BST1: variants seen among roughly 807,000 people sequenced by gnomAD.
BST1 encodes the protein ADP-ribosyl cyclase/cyclic ADP-ribose hydrolase 2.
BST1 carries 49 observed loss-of-function variants against 40.6 expected under a neutral mutation model. The ratio of observed to expected loss-of-function variants is 1.21; its 90% CI spans 0.96 to 1.53. The LOEUF (loss-of-function observed/expected upper bound fraction) is 1.53. Ranked by LOEUF, BST1 falls within the 40% of genes most tolerant of loss-of-function variation. The pLI is 0.00. For synonymous variants in BST1, 157 were observed against 159.3 expected, an observed-to-expected ratio of 0.99 and a Z score of 0.11; for missense variants, 423 against 395.9, an observed-to-expected ratio of 1.07 and a Z score of -0.58.
At chr4:15,741,373 T>C (rs1721737661), downstream of BST1, among the ~76,000 whole-genome samples, 1 of 151,996 alleles carries the variant, frequency 6.6e-6, no homozygotes, top group Admixed American at 6.6e-5. Context: ...TGCTTCCTGA[T>C]AAGGGAGGAA....
At chr4:15,744,491 C>T in the BST1 span, among the ~76,000 whole-genome samples, 2 of 152,178 alleles carry the variant, frequency 1.3e-5, no homozygotes, top group Non-Finnish European at 2.9e-5. Context: ...AAACCGCCCC[C>T]ATAATCCAAT....
the BST1 span, among the ~76,000 whole-genome samples, chr4:15,773,617 A>G: frequency 2.0e-5 from 3 of 152,122 alleles, no homozygotes; most frequent in African/African-American, 7.2e-5. Flanking sequence ...CCTGGGCAAC[A>G]TGGCGAAACC....
the BST1 span, among the ~76,000 whole-genome samples, chr4:15,771,364 A>G: frequency 6.6e-6 from 1 of 152,210 alleles, no homozygotes; most frequent in Admixed American, 6.5e-5. Flanking sequence ...TTCCTTGTGC[A>G]TTATCTTCTT....
intron 4 of BST1, among the ~76,000 whole-genome samples, chr4:15,713,661 C>T (rs1019850920): frequency 2.6e-5 from 4 of 152,094 alleles, no homozygotes; most frequent in African/African-American, 9.7e-5. Context: ...CTTTCAACCA[C>T]GACGTTATAC....
the BST1 span, chr4:15,743,411 A>C: frequency 3.6e-6 from 1 of 279,700 alleles, no homozygotes; most frequent in Non-Finnish European, 7.1e-6. Context: ...AAGATGAAGA[A>C]TGTTTATTCT....
intron 8 of BST1, among the ~76,000 whole-genome samples, chr4:15,726,647 T>C (rs1721129584): frequency 6.6e-6 from 1 of 152,204 alleles, no homozygotes; most frequent in African/African-American, 2.4e-5. Context: ...GTGTTAGAAT[T>C]ACTTAGGTTT....
At chr4:15,720,852 C>T (rs964688789) in intron 7 of BST1, among the ~76,000 whole-genome samples, 8 of 152,136 alleles carry the variant, frequency 5.3e-5, no homozygotes, top group Non-Finnish European at 1.2e-4. Context: ...CAAACAACAA[C>T]AACAAAAAGC....
At chr4:15,763,452 G>A in the BST1 span, among the ~76,000 whole-genome samples, 1 of 151,332 alleles carries the variant, frequency 6.6e-6, no homozygotes, top group Non-Finnish European at 1.5e-5. Context: ...TTCTTTGTAC[G>A]CTTCTTATTT....
At chr4:15,725,890 AT>A (rs993577557) in intron 8 of BST1, among the ~76,000 whole-genome samples, 1 of 135,050 alleles carries the variant, frequency 7.4e-6, no homozygotes, top group African/African-American at 2.8e-5. Flanking sequence ...ATGTGACTGC[AT>A]TTTTTTTCTT....
At position 15,707,580 on chromosome 4, in the gene BST1, C is replaced by A. The variant is rs147958205; in HGVS notation, c.385C>A (p.Leu129Met). Residue 129 changes from leucine to methionine, a missense_variant, in exon 3 of 9, where the codon CTG becomes ATG. By Grantham distance (15) the Leu-to-Met change is conservative. Transcript: ENST00000265016. ...FADNTRRFMPLSDVLYGRVAD... is the reference protein window; with the variant it reads ...FADNTRRFMPMSDVLYGRVAD... Reference sequence around the variant, plus strand: ...AGACAACACCCGTCGTTTTATGCCCCTGAGCGATGTTCTGTATGGCAGGGT... The same window carrying A: ...AGACAACACCCGTCGTTTTATGCCCATGAGCGATGTTCTGTATGGCAGGGT... 6.2e-7 allele frequency: 1 copy of A among 1,614,064 alleles called. No homozygotes were observed.
intron 7 of BST1, 49 bp downstream of exon 7, chr4:15,719,042 T>C: frequency 1.9e-6 from 3 of 1,550,010 alleles, no homozygotes. Context: ...GTGTATGATT[T>C]TGGAGGAGGT....
At chr4:15,734,109 T>C (rs1187837347), downstream of BST1, among the ~76,000 whole-genome samples, 1 of 152,166 alleles carries the variant, frequency 6.6e-6, no homozygotes, top group Non-Finnish European at 1.5e-5. Flanking sequence ...AACTGTATGA[T>C]TCTATTTATA....
chr4:15,707,400 G>C, intron 2 of BST1, 111 bp from the exon 3 acceptor site: 1 of 1,222,754 alleles, frequency 8.2e-7, no homozygotes, highest in Non-Finnish European at 1.2e-6. Context: ...TTGTGCAGCA[G>C]GTCAGAGTTG....
chr4:15,773,866 A>C, the BST1 span, among the ~76,000 whole-genome samples: 1 of 152,034 alleles, frequency 6.6e-6, no homozygotes, highest in Non-Finnish European at 1.5e-5. Flanking sequence ...AAAACCAAAA[A>C]CAAAACCCAT....
chr4:15,765,798 T>C, the BST1 span, among the ~76,000 whole-genome samples: 2 of 151,972 alleles, frequency 1.3e-5, no homozygotes, highest in Non-Finnish European at 2.9e-5. Context: ...AATTGCAACC[T>C]TCCCCCAAGT....
At chr4:15,754,838 A>T in the BST1 span, among the ~76,000 whole-genome samples, 1 of 152,196 alleles carries the variant, frequency 6.6e-6, no homozygotes. Context: ...CACACCTCTA[A>T]TTCGGATGAC....
At chr4:15,737,883 A>G in exon 7 of BST1, 1 of 1,168,682 alleles carries the variant, frequency 8.6e-7, no homozygotes, top group Non-Finnish European at 1.1e-6. Context: ...CGAAATCTCC[A>G]GAGGCTCTGG....
intron 8 of BST1, chr4:15,730,993 C>A: frequency 1.8e-6 from 1 of 544,868 alleles, no homozygotes; most frequent in Non-Finnish European, 3.0e-6. Flanking sequence ...GCCTATGGTG[C>A]TCTCGATATA....
intron 8 of BST1, among the ~76,000 whole-genome samples, chr4:15,728,688 G>A (rs573371823): frequency 6.7e-6 from 1 of 148,268 alleles, no homozygotes; most frequent in African/African-American, 2.5e-5. Flanking sequence ...TGTCACCCAG[G>A]CTAGAGTTCA....
Sources: gnomAD v4.1 joint callset for allele counts (sites outside exome capture counted in the v4.1 genomes callset) on GRCh38, gnomAD v4.1.1 for gene constraint, MANE v1.5 for transcripts, NCBI Gene and HGNC (gene_info 2026-07-23, HGNC 2026-07-21) for gene names.